TNN: variants seen among roughly 807,000 people sequenced by gnomAD.
TNN encodes the protein tenascin N.
Under a neutral mutation model 134.4 loss-of-function variants are expected in TNN, and 122 were observed. The ratio of observed to expected loss-of-function variants is 0.91; its 90% CI spans 0.78 to 1.06. The LOEUF is 1.06. Ranked by LOEUF, TNN falls within the 50% of genes least tolerant of loss-of-function variation. The pLI is 0.00. For synonymous variants in TNN, 710 were observed against 670.3 expected (o/e 1.06, Z -0.91); for missense variants, 1,739 against 1,699.4 (o/e 1.02, Z -0.41).
chr1:175,145,220 C>T (rs1305860032), intron 18 of TNN, among the ~76,000 whole-genome samples: 4 of 152,068 alleles, frequency 2.6e-5, no homozygotes, highest in Non-Finnish European at 4.4e-5. Flanking sequence ...TTATAACAAA[C>T]ACTGCCTACT....
intron 15 of TNN, among the ~76,000 whole-genome samples, chr1:175,131,026 A>G (rs1206372297): frequency 6.6e-6 from 1 of 152,050 alleles, no homozygotes; most frequent in Non-Finnish European, 1.5e-5. Flanking sequence ...CATTTTACTG[A>G]CAGTTGTTAC....
Position 175,144,388 on chromosome 1 carries a change from G to A in TNN, c.3597G>A (p.Gly1199=). 6.2e-7 allele frequency: 1 copy of A among 1,613,756 alleles called. No homozygotes were observed. The highest frequency in any genetic ancestry group is 1.1e-5 in the South Asian group (1 of 91,010). Residue 1199 remains glycine (G), a splice_region_variant and synonymous_variant, in exon 18 of 19, where the codon GGG becomes GGA. Coordinates refer to ENST00000239462, the MANE Select transcript of TNN (RefSeq NM_022093.2). ...GCCTCCGTCTCTTCTCTCCTGCAGGGGATGCTCTTACTTACCACAATGGAT... is the reference window on the plus strand; with the variant it reads ...GCCTCCGTCTCTTCTCTCCTGCAGGAGATGCTCTTACTTACCACAATGGAT... ...LTVGKYRGTA[G]DALTYHNGWK... is the part of the protein sequence containing the mutation.
At chr1:175,072,364 C>A (rs931289963) in intron 1 of TNN, among the ~76,000 whole-genome samples, 1 of 152,212 alleles carries the variant, frequency 6.6e-6, no homozygotes, top group South Asian at 2.1e-4. Context: ...ATACACATTT[C>A]CTGCATGTAA....
intron 1 of TNN, among the ~76,000 whole-genome samples, chr1:175,074,689 T>C (rs577848812): frequency 1.1e-4 from 17 of 152,212 alleles, no homozygotes; most frequent in African/African-American, 3.6e-4. Context: ...GGAAGAGCCA[T>C]GAAGGAGTGG....
At chr1:175,077,956 T>C in intron 2 of TNN, 129 bp downstream of exon 2, 4 of 943,848 alleles carry the variant, frequency 4.2e-6, no homozygotes, top group Non-Finnish European at 6.2e-6. Flanking sequence ...GGGTTTTCTC[T>C]AGGGGGCCCA....
intron 9 of TNN, among the ~76,000 whole-genome samples, chr1:175,099,874 C>T (rs561370539): frequency 6.6e-6 from 1 of 152,144 alleles, no homozygotes; most frequent in Admixed American, 6.5e-5. Flanking sequence ...CCACTGGTCT[C>T]TTACTCCCCT....
rs1675599768 is a variant in TNN at position 175,128,764 on chromosome 1, C to G, written c.3330+18C>G. The stretch of plus-strand genomic sequence containing the variant: ...GCTGGATTGTGAGTCACGCAGAACC[C>G]TGGGGAGCTCTGTGTAGGGCCTTCC... On this transcript the variant is annotated intron_variant, in intron 15 of 18. Transcript: ENST00000239462. 1 of 1,605,448 alleles carries G rather than the reference C, an allele frequency of 6.2e-7. No homozygotes were observed. Among genetic ancestry groups the G allele is most frequent in the Non-Finnish European group, 8.5e-7 (1 of 1,174,818 alleles).
chr1:175,133,676 C>T (rs536364238), intron 15 of TNN, among the ~76,000 whole-genome samples: 7 of 152,298 alleles, frequency 4.6e-5, no homozygotes, highest in South Asian at 2.1e-4. Context: ...TTTCTTCCTA[C>T]GTGATCTCAG....
chr1:175,074,432 C>T (rs1157826256), intron 1 of TNN, among the ~76,000 whole-genome samples: 1 of 149,212 alleles, frequency 6.7e-6, no homozygotes, highest in Non-Finnish European at 1.5e-5. Flanking sequence ...TTGCAGTGAG[C>T]CGTGATTGTG....
chr1:175,093,479 TTGAA>T (rs1674498832), intron 6 of TNN, among the ~76,000 whole-genome samples: 1 of 152,204 alleles, frequency 6.6e-6, no homozygotes, highest in Non-Finnish European at 1.5e-5. Context: ...TGAAGTGCTG[TTGAA>T]TGAATGAAGT....
chr1:175,104,976 G>T lies in TNN; in HGVS notation c.2119+6381G>T, dbSNP rs1332919644. On this transcript the variant is annotated intron_variant, in intron 9 of 18. Coordinates refer to ENST00000239462, the MANE Select transcript of TNN (RefSeq NM_022093.2). ...AGATGTTTACGACTCCAGTCCCCAT[G>T]ATCTGAGTCAAAGTCCCAGTGGGGA... Among the ~76,000 whole-genome samples the T allele has an allele frequency of 2.1e-5, 3 of 145,792 alleles. No homozygotes were observed. In the Admixed American group the frequency reaches 2.1e-4, roughly 10 times the overall value.
intron 9 of TNN, among the ~76,000 whole-genome samples, chr1:175,112,596 A>ATTTTTTT (rs1244528758): frequency 5.0e-4 from 4 of 8,060 alleles, no homozygotes; most frequent in South Asian, 9.3e-3. Context: ...CAGCCGGCCG[A>ATTTTTTT]TCTTTTTTTT....
At chr1:175,144,593 A>T in intron 18 of TNN, 43 bp downstream of exon 18, 1 of 1,593,488 alleles carries the variant, frequency 6.3e-7, no homozygotes, top group Admixed American at 1.7e-5. Context: ...GGGTATGTCC[A>T]TATTCAGCTT....
chr1:175,123,816 A>C (rs552548436), intron 12 of TNN, among the ~76,000 whole-genome samples, 153 bp downstream of exon 12: 1 of 151,734 alleles, frequency 6.6e-6, no homozygotes, highest in South Asian at 2.1e-4. Flanking sequence ...GAGCTAATTA[A>C]GTTGACACAA....
intron 9 of TNN, among the ~76,000 whole-genome samples, chr1:175,110,252 A>G (rs960606208): frequency 2.0e-5 from 3 of 152,182 alleles, no homozygotes; most frequent in Non-Finnish European, 4.4e-5. Flanking sequence ...TGAACTCCTT[A>G]TGTATTCTGT....
intron 17 of TNN, among the ~76,000 whole-genome samples, chr1:175,142,623 TC>T (rs1675967172): frequency 7.9e-6 from 1 of 126,622 alleles, no homozygotes; most frequent in Non-Finnish European, 1.9e-5. Context: ...TTTTTTCTTT[TC>T]TTTTTTTTTT....
rs770894011 is a variant in TNN at position 175,079,583 on chromosome 1, C to T, written c.660C>T (p.His220=). 1 of 1,589,820 alleles carries T rather than the reference C, an allele frequency of 6.3e-7. No individual in the cohort carries two copies. The highest frequency in any genetic ancestry group is 8.5e-7 in the Non-Finnish European group (1 of 1,169,608). Reference sequence around the variant, plus strand: ...GCGTGCGCGGCGTGTGCCAGTGCCACGAAGACTTCATGTCGGAGGACTGCA... The same window carrying T: ...GCGTGCGCGGCGTGTGCCAGTGCCATGAAGACTTCATGTCGGAGGACTGCA... The part of the protein sequence containing the change: ...GECVRGVCQC[H]EDFMSEDCSE... The change falls in exon 3 of 19, where the codon CAC becomes CAT. Residue 220 remains histidine (H), a synonymous_variant. Transcript: ENST00000239462.
chr1:175,113,896 G>A (rs1019241796), intron 9 of TNN, among the ~76,000 whole-genome samples: 2 of 151,626 alleles, frequency 1.3e-5, no homozygotes, highest in African/African-American at 2.4e-5. Flanking sequence ...TTCATTAGCT[G>A]TGTTTCTTTT....
Position 175,085,486 on chromosome 1 carries a change from GC to G in TNN, c.1317del (p.Arg440GlyfsTer15). On this transcript the variant is annotated frameshift_variant, in exon 6 of 19. Coordinates refer to ENST00000239462, the MANE Select transcript of TNN (RefSeq NM_022093.2). LOFTEE classifies it high-confidence loss of function. ...ELEGKPILLN[G>X]RTEIDSPTNV... ...GAGGGCAAGCCGATCCTCCTGAATG[GC>G]AGGACAGGTGAGAGCTACTTGGAGG... 6.2e-7 allele frequency: 1 copy of G among 1,610,192 alleles called. No individual in the cohort carries two copies. Among genetic ancestry groups the G allele is most frequent in the Non-Finnish European group, 8.5e-7 (1 of 1,176,988 alleles).
Sources: allele counts gnomAD v4.1 joint callset (sites outside exome capture counted in the v4.1 genomes callset), GRCh38; gene constraint gnomAD v4.1.1; transcripts MANE v1.5; gene names NCBI Gene and HGNC (gene_info 2026-07-23, HGNC 2026-07-21).